The following DIP2A variants were observed in gnomAD, a reference collection of about 807,000 sequenced individuals.
DIP2A encodes the protein DIP2 acetate--CoA ligase A.
In DIP2A, 85 loss-of-function variants were observed where a neutral mutation model predicts 177.4. The ratio of observed to expected loss-of-function variants is 0.48; its 90% confidence interval spans 0.40 to 0.57. The LOEUF (loss-of-function observed/expected upper bound fraction) is 0.57. DIP2A is among the 20% of genes least tolerant of loss of function. The pLI is 0.00. For missense variants in DIP2A, 1,791 were observed against 2,100.2 expected (o/e 0.85, Z 2.88); for synonymous variants, 886 against 881.8 (o/e 1.00, Z -0.08).
At chr21:46,486,833 A>G (rs1323736095) in intron 2 of DIP2A, among the ~76,000 whole-genome samples, 3 of 152,240 alleles carry the variant, frequency 2.0e-5, no homozygotes, top group African/African-American at 7.2e-5. Flanking sequence ...AATGTTCATT[A>G]TATCTGTAAA....
In DIP2A at chr21:46,562,708, C is replaced by G. The variant is rs561938578; in HGVS notation, c.4089+903C>G. Among the ~76,000 whole-genome samples, 212 of 152,336 alleles carry G rather than the reference C, an allele frequency of 1.4e-3. 1 individual carries two copies. Among genetic ancestry groups the G allele is most frequent in the African/African-American group, 4.7e-3 (194 of 41,572 alleles). On this transcript the variant is annotated intron_variant, in intron 34 of 37. Transcript: ENST00000417564. ...GTGCGTGAGTGAGTGAACTCACATG[C>G]AGGTGCAGGGGCTTGAAAAGCTCCC...
At chr21:46,512,256 T>A (rs1419709408) in intron 8 of DIP2A, among the ~76,000 whole-genome samples, 1 of 152,236 alleles carries the variant, frequency 6.6e-6, no homozygotes, top group African/African-American at 2.4e-5. Flanking sequence ...GGCTATTGTG[T>A]ATAGTGCTGT....
At chr21:46,566,959 G>A (rs1376866544) in intron 37 of DIP2A, among the ~76,000 whole-genome samples, 1 of 152,240 alleles carries the variant, frequency 6.6e-6, no homozygotes, top group Non-Finnish European at 1.5e-5. Context: ...GCCTGTGTTT[G>A]GGTTTGGCTT....
chr21:46,561,957 C>A, intron 34 of DIP2A, 152 bp downstream of exon 34: 1 of 970,668 alleles, frequency 1.0e-6, no homozygotes, highest in Non-Finnish European at 1.2e-6. Flanking sequence ...GTCTCCTTCC[C>A]TCCTTTGTGG....
At chr21:46,500,965 A>G (rs574723677) in intron 5 of DIP2A, among the ~76,000 whole-genome samples, 10 of 152,298 alleles carry the variant, frequency 6.6e-5, no homozygotes, top group Non-Finnish European at 1.5e-4. Flanking sequence ...TAATACATTT[A>G]AAAAAAATTC....
chr21:46,482,971 T>G (rs900081325), intron 1 of DIP2A, among the ~76,000 whole-genome samples: 2 of 152,246 alleles, frequency 1.3e-5, no homozygotes, highest in African/African-American at 4.8e-5. Flanking sequence ...AGTTATATCC[T>G]GAACCTGATG....
intron 34 of DIP2A, among the ~76,000 whole-genome samples, chr21:46,562,071 G>A (rs2060684299): frequency 6.6e-6 from 1 of 152,212 alleles, no homozygotes; most frequent in South Asian, 2.1e-4. Flanking sequence ...CCGCTGGGTG[G>A]GTGGCAGGCC....
At chr21:46,582,981 T>C in the DIP2A span, among the ~76,000 whole-genome samples, 1 of 151,902 alleles carries the variant, frequency 6.6e-6, no homozygotes, top group East Asian at 1.9e-4. Context: ...AAACAAAAAA[T>C]AAGACCCAAC....
chr21:46,536,606 T>G (rs1011641574), intron 13 of DIP2A, among the ~76,000 whole-genome samples: 2 of 152,124 alleles, frequency 1.3e-5, no homozygotes, highest in South Asian at 2.1e-4. Context: ...AAATATCTGA[T>G]GAGAAGATGT....
At position 46,557,509 on chromosome 21, in the gene DIP2A, T is replaced by C; in HGVS notation, c.3630-76T>C. The C allele has an allele frequency of 6.7e-7, 1 of 1,491,998 alleles. No individual in the cohort carries two copies. The highest frequency in any genetic ancestry group is 9.0e-7 in the Non-Finnish European group (1 of 1,107,602). The allele number at this position is 1,491,998 out of a possible 1,614,324, so 92.4% of individuals were successfully genotyped here. A position where few individuals can be genotyped will look rare whatever the true frequency, so the allele number is the denominator to read the frequency against. On this transcript the variant is annotated intron_variant, in intron 30 of 37. Coordinates refer to ENST00000417564, the MANE Select transcript of DIP2A (RefSeq NM_015151.4). This position sits in a 1 kb window ranked among gnomAD's most constrained non-coding sequence, Gnocchi z 6.0. ...CCTGTTGTGGCTGGAAAAGAAGTGTTCTTGAGGAAGGGAAGAGTGGAGTGC... is the reference window on the plus strand; with the variant it reads ...CCTGTTGTGGCTGGAAAAGAAGTGTCCTTGAGGAAGGGAAGAGTGGAGTGC...
rs1358748958 is a variant in DIP2A, at chr21:46,556,419, C to T, written c.3498+328C>T. 1.5e-6 allele frequency: 2 copies of T among 1,328,340 alleles called. No homozygotes were observed. The highest frequency in any genetic ancestry group is 2.0e-6 in the Non-Finnish European group (2 of 1,004,284). The allele number at this position is 1,328,340 out of a possible 1,614,324, so 82.3% of individuals were successfully genotyped here. ...ATTTTTCAGGCGGGGCGTGGTGGCT[C>T]ACGCCTGTAATCCCAGCACTTCGGG... On this transcript the variant is annotated intron_variant, in intron 29 of 37. Transcript: ENST00000417564. This position sits in a 1 kb window ranked among gnomAD's most constrained non-coding sequence, Gnocchi z 4.5.
At chr21:46,527,324 G>GTT (rs1162578470) in intron 8 of DIP2A, among the ~76,000 whole-genome samples, 2 of 33,946 alleles carry the variant, frequency 5.9e-5, no homozygotes, top group Non-Finnish European at 1.0e-4. Context: ...TTTGAGTTGA[G>GTT]GTTTTTTTTT....
intron 1 of DIP2A, chr21:46,462,579 A>G (rs1315780407): frequency 6.6e-6 from 1 of 152,238 alleles, no homozygotes; most frequent in Non-Finnish European, 1.5e-5. Flanking sequence ...TTATAGTCCT[A>G]AAACAACCAA....
At chr21:46,471,091 A>G (rs1258295289) in intron 1 of DIP2A, among the ~76,000 whole-genome samples, 2 of 152,208 alleles carry the variant, frequency 1.3e-5, no homozygotes, top group Non-Finnish European at 2.9e-5. Context: ...GCTGGAGTGC[A>G]GTAGCACTAT....
In DIP2A at chr21:46,556,189, T is replaced by C; in HGVS notation, c.3498+98T>C. 1 of 1,405,872 alleles carries C rather than the reference T, an allele frequency of 7.1e-7. No individual in the cohort carries two copies. The allele number at this position is 1,405,872 out of a possible 1,614,324, so 87.1% of individuals were successfully genotyped here. A position where few individuals can be genotyped will look rare whatever the true frequency, so the allele number is the denominator to read the frequency against. On this transcript the variant is annotated intron_variant, in intron 29 of 37. Coordinates refer to ENST00000417564, the MANE Select transcript of DIP2A (RefSeq NM_015151.4). The surrounding 1 kb of genome is among the most constrained non-coding windows in gnomAD (Gnocchi z 4.5). ...CAGATTTAAACTGACAGGTCCTTCT[T>C]ATGCAAAGCACAAAGCAACAATTTT...
In DIP2A at chr21:46,557,828, A is replaced by C; in HGVS notation, c.3798+75A>C. 3 of 1,508,384 alleles carry C rather than the reference A, an allele frequency of 2.0e-6. No individual in the cohort carries two copies. The highest frequency in any genetic ancestry group is 1.4e-5 in the African/African-American group (1 of 72,454). 93.4% of individuals were successfully genotyped at this position (1,508,384 alleles called of 1,614,324 possible). On this transcript the variant is annotated intron_variant, in intron 31 of 37. Transcript: ENST00000417564. This position sits in a 1 kb window ranked among gnomAD's most constrained non-coding sequence, Gnocchi z 6.0. The stretch of plus-strand genomic sequence containing the variant: ...GGAAGTTTAAAAACAACAAAACAAA[A>C]CAAGACTCCCAAGGCCCCTCCCTGC...
At chr21:46,514,987 A>G (rs2058506540) in intron 8 of DIP2A, among the ~76,000 whole-genome samples, 1 of 152,184 alleles carries the variant, frequency 6.6e-6, no homozygotes, top group African/African-American at 2.4e-5. Context: ...TGTAGAATAA[A>G]TCCCACTTGG....
intron 9 of DIP2A, among the ~76,000 whole-genome samples, chr21:46,529,688 G>A (rs2059274646): frequency 6.6e-6 from 1 of 151,022 alleles, no homozygotes; most frequent in African/African-American, 2.4e-5. Flanking sequence ...TTCTGCACTC[G>A]TTGTTTCATT....
intron 13 of DIP2A, among the ~76,000 whole-genome samples, 196 bp downstream of exon 13, chr21:46,534,883 A>G (rs1454053138): frequency 6.6e-6 from 1 of 152,202 alleles, no homozygotes; most frequent in African/African-American, 2.4e-5. Context: ...GTGCTGGCCA[A>G]GAGGGCACAC....
Sources: allele counts gnomAD v4.1 joint callset (sites outside exome capture counted in the v4.1 genomes callset), GRCh38; gene constraint gnomAD v4.1.1; non-coding constraint Gnocchi (gnomAD v3.1); transcripts MANE v1.5; gene names NCBI Gene and HGNC (gene_info 2026-07-23, HGNC 2026-07-21).